The following SPPL2B variants were observed in gnomAD, a reference collection of about 807,000 sequenced individuals.
SPPL2B encodes signal peptide peptidase-like 2B.
A neutral mutation model predicts 59.7 loss-of-function variants in SPPL2B; 39 were observed. The observed-to-expected ratio is 0.65, with a 90% confidence interval of 0.51 to 0.85. The LOEUF (loss-of-function observed/expected upper bound fraction) is 0.85. Among genes scored for constraint, SPPL2B ranks in the 40% least tolerant of loss-of-function variants. The probability of loss-of-function intolerance (pLI) is 0.00; values close to 1 mark genes in which losing one functional copy is unlikely to be tolerated. For synonymous variants in SPPL2B, 419 were observed against 370.8 expected (o/e 1.13, Z -1.49); for missense variants, 865 against 849.0 (o/e 1.02, Z -0.23).
chr19:2,350,699 T>C (rs7247409), intron 13 of SPPL2B, among the ~76,000 whole-genome samples: 148,362 of 152,388 alleles, frequency 0.97, 72,244 homozygotes, highest in African/African-American at 0.99. Flanking sequence ...CGACAGCCAT[T>C]GCCTGCGGCG....
At chr19:2,338,921 G>A (rs1968827008) in intron 4 of SPPL2B, 80 bp downstream of exon 4, 1 of 1,525,178 alleles carries the variant, frequency 6.6e-7, no homozygotes, top group African/African-American at 1.4e-5. Flanking sequence ...GGGGGTTTGT[G>A]CCTCAGTTGG....
At chr19:2,342,777 CAG>C (rs926944958) in intron 8 of SPPL2B, 1 of 193,054 alleles carries the variant, frequency 5.2e-6, no homozygotes, top group African/African-American at 2.3e-5. Context: ...CATCCGGGGA[CAG>C]TGACTGAGGG....
chr19:2,352,009 G>A (rs1182583028), intron 14 of SPPL2B, among the ~76,000 whole-genome samples: 1 of 152,232 alleles, frequency 6.6e-6, no homozygotes, highest in Non-Finnish European at 1.5e-5. Context: ...GACTGGGGGT[G>A]GGGCCGCAGG....
chr19:2,347,201 C>T (rs1362636733), intron 13 of SPPL2B, among the ~76,000 whole-genome samples: 2 of 147,286 alleles, frequency 1.4e-5, no homozygotes, highest in African/African-American at 2.6e-5. Context: ...CGCCTGATTC[C>T]GTTCTCTCCC....
intron 8 of SPPL2B, chr19:2,341,368 G>A (rs781770913): frequency 3.0e-5 from 15 of 493,668 alleles, no homozygotes; most frequent in South Asian, 9.2e-5. Context: ...CGTGCACGCC[G>A]CAGGTTCGAG....
chr19:2,334,308 C>T (rs902721545), intron 1 of SPPL2B, among the ~76,000 whole-genome samples: 6 of 152,206 alleles, frequency 3.9e-5, no homozygotes, highest in African/African-American at 1.2e-4. Context: ...GGAGGTGGTG[C>T]GATCCCTGTT....
Position 2,334,715 on chromosome 19 carries a change from CAA to C in SPPL2B, c.181_182del (p.Lys61GlyfsTer41), listed in dbSNP as rs1968461852. 6.2e-7 allele frequency: 1 copy of C among 1,602,874 alleles called. No individual in the cohort carries two copies. The highest frequency in any genetic ancestry group is 1.3e-5 in the African/African-American group (1 of 74,518). The part of the protein sequence containing the change: ...QWAHLPHDLS[K>X]ASFLQLRNWT... ...GGGCCCATCTTCCGCACGACCTCAG[CAA>C]GGCAGTGAGTACCCGCTGGCCGGGC... On this transcript the variant is annotated frameshift_variant, in exon 2 of 15. Transcript: ENST00000613503. LOFTEE classifies it high-confidence loss of function.
chr19:2,329,062 C>T (rs1253822336), intron 1 of SPPL2B, among the ~76,000 whole-genome samples: 1 of 152,262 alleles, frequency 6.6e-6, no homozygotes, highest in East Asian at 1.9e-4. Context: ...GGTTCTGCTT[C>T]TCCGTTTCGG....
At chr19:2,343,628 TC>T (rs1029263480) in intron 9 of SPPL2B, among the ~76,000 whole-genome samples, 1 of 152,056 alleles carries the variant, frequency 6.6e-6, no homozygotes, top group African/African-American at 2.4e-5. Flanking sequence ...GCGGCTGCAC[TC>T]CCGTGAGGGC....
At chr19:2,329,410 G>A (rs1032755679) in intron 1 of SPPL2B, among the ~76,000 whole-genome samples, 1 of 152,238 alleles carries the variant, frequency 6.6e-6, no homozygotes, top group Non-Finnish European at 1.5e-5. Context: ...CCAGCGCCCA[G>A]GGCCAACAGG....
At position 2,343,995 on chromosome 19, in the gene SPPL2B, C is replaced by T; in HGVS notation, c.1069C>T (p.Leu357Phe). 6.5e-7 allele frequency: 1 copy of T among 1,548,484 alleles called. No individual in the cohort carries two copies. The highest frequency in any genetic ancestry group is 8.7e-7 in the Non-Finnish European group (1 of 1,146,704). Reference protein sequence around the residue: ...ACTLLLLVLFLYDIFFVFITP... With the variant: ...ACTLLLLVLFFYDIFFVFITP... Reference sequence around the variant, plus strand: ...CACGCTGCTGCTGCTGGTGCTGTTCCTCTACGACATCTTCTTCGTGTTCAT... The same window carrying T: ...CACGCTGCTGCTGCTGGTGCTGTTCTTCTACGACATCTTCTTCGTGTTCAT... Residue 357 changes from leucine (L) to phenylalanine (F), a missense_variant, in exon 10 of 15, where the codon CTC (leucine) becomes TTC (phenylalanine). Coordinates refer to ENST00000613503, the MANE Select transcript of SPPL2B (RefSeq NM_152988.3).
Position 2,339,010 on chromosome 19 carries a change from G to A in SPPL2B, c.460-59G>A, listed in dbSNP as rs559168573. 12 of 1,527,016 alleles carry A rather than the reference G, an allele frequency of 7.9e-6. No homozygotes were observed. In the East Asian group the frequency reaches 1.7e-4, roughly 22 times the overall value. The allele number at this position is 1,527,016 out of a possible 1,614,324, so 94.6% of individuals were successfully genotyped here. Reference sequence around the variant, plus strand: ...CCAGCCCCACAGCCCACAGCTGCACGTCGACCCATGGCTGGCGGGTGGCTC... The same window carrying A: ...CCAGCCCCACAGCCCACAGCTGCACATCGACCCATGGCTGGCGGGTGGCTC... On this transcript the variant is annotated intron_variant, in intron 4 of 14. Transcript: ENST00000613503.
chr19:2,336,927 G>T (rs1251949568), intron 2 of SPPL2B, among the ~76,000 whole-genome samples: 1 of 149,044 alleles, frequency 6.7e-6, no homozygotes, highest in African/African-American at 2.5e-5. Context: ...ATGTATGCAT[G>T]TGTGTGCCGT....
In SPPL2B at chr19:2,328,776, G is replaced by A. The variant is rs1211729846; in HGVS notation, c.66+1G>A. On this transcript the variant is annotated splice_donor_variant, in intron 1 of 14. Transcript: ENST00000613503. LOFTEE classifies it high-confidence loss of function. ...GGCCTTTCTGCTCCTCGCGGCCCAG[G>A]TGAGCGCGGCACCGGTCCCGACGGC... The A allele has an allele frequency of 1.4e-6, 2 of 1,443,978 alleles. No individual in the cohort carries two copies. Among genetic ancestry groups the A allele is most frequent in the Non-Finnish European group, 9.0e-7 (1 of 1,106,486 alleles). The allele number at this position is 1,443,978 out of a possible 1,614,324, so 89.4% of individuals were successfully genotyped here.
At chr19:2,349,182 G>GTT (rs1969724073) in intron 13 of SPPL2B, among the ~76,000 whole-genome samples, 1 of 13,402 alleles carries the variant, frequency 7.5e-5, no homozygotes, top group African/African-American at 3.2e-4. Context: ...ACACACTCAC[G>GTT]CGCTGTCATT....
rs1968933354 is a variant in SPPL2B, at chr19:2,340,066, G to A, written c.743-10G>A. 6.3e-7 allele frequency: 1 copy of A among 1,588,170 alleles called. No homozygotes were observed. ...GCCTGGCCCCCGGCCTCACGGCCCT[G>A]CCCCTGCAGTGTACGTGGTCATCGG... On this transcript the variant is annotated splice_polypyrimidine_tract_variant and intron_variant, in intron 6 of 14. Coordinates refer to ENST00000613503, the MANE Select transcript of SPPL2B (RefSeq NM_152988.3).
In SPPL2B at chr19:2,339,982, C is replaced by T. The variant is rs762464020; in HGVS notation, c.742+16C>T. ...GATCTCCTCGGTGCGCGGCCCCGGGCGGGTGGGCCGCGGCGTGGAGATGCA... is the reference window on the plus strand; with the variant it reads ...GATCTCCTCGGTGCGCGGCCCCGGGTGGGTGGGCCGCGGCGTGGAGATGCA... On this transcript the variant is annotated intron_variant, in intron 6 of 14. Coordinates refer to ENST00000613503, the MANE Select transcript of SPPL2B (RefSeq NM_152988.3). The T allele has an allele frequency of 2.9e-5, 45 of 1,552,136 alleles. No individual in the cohort carries two copies. Among genetic ancestry groups the T allele is most frequent in the Non-Finnish European group, 3.6e-5 (41 of 1,147,192 alleles).
Position 2,338,739 on chromosome 19 carries a change from T to C in SPPL2B, c.370-13T>C, listed in dbSNP as rs755879558. On this transcript the variant is annotated splice_polypyrimidine_tract_variant and intron_variant, in intron 3 of 14. Coordinates refer to ENST00000613503, the MANE Select transcript of SPPL2B (RefSeq NM_152988.3). The stretch of plus-strand genomic sequence containing the variant: ...GCGGGTGATGCCTGCCGCTCCCTCC[T>C]CTGGGCCCCCAGGTCCCCCCGGGGG... The C allele has an allele frequency of 1.2e-6, 2 of 1,606,186 alleles. No homozygotes were observed. Among genetic ancestry groups the C allele is most frequent in the African/African-American group, 2.7e-5 (2 of 74,738 alleles).
chr19:2,337,709 T>C, intron 3 of SPPL2B, 84 bp downstream of exon 3: 4 of 1,346,396 alleles, frequency 3.0e-6, no homozygotes, highest in Non-Finnish European at 4.0e-6. Flanking sequence ...CAGCTGGGGC[T>C]GGTCTTCCGA....
Sources: gnomAD v4.1 joint callset for allele counts (sites outside exome capture counted in the v4.1 genomes callset) on GRCh38, gnomAD v4.1.1 for gene constraint, MANE v1.5 for transcripts, NCBI Gene and HGNC (gene_info 2026-07-23, HGNC 2026-07-21) for gene names.